DGKI: variants seen among roughly 807,000 people sequenced by gnomAD.
DGKI encodes the protein diacylglycerol kinase iota, also known as DAG kinase iota.
Under a neutral mutation model 147.5 loss-of-function variants are expected in DGKI, and 55 were observed. That is an observed-to-expected ratio of 0.37 (90% CI 0.30 to 0.47). The LOEUF (loss-of-function observed/expected upper bound fraction) is 0.47. Among genes scored for constraint, DGKI ranks in the 20% least tolerant of loss-of-function variants. The pLI, the probability that DGKI is intolerant of heterozygous loss-of-function variation, is 1.00. For synonymous variants in DGKI, 469 were observed against 477.1 expected, an observed-to-expected ratio of 0.98 and a Z score of 0.22; for missense variants, 1,007 against 1,323.8, an observed-to-expected ratio of 0.76 and a Z score of 3.71.
chr7:137,675,513 C>T (rs763758148), intron 3 of DGKI, among the ~76,000 whole-genome samples: 46 of 151,802 alleles, frequency 3.0e-4, no homozygotes, highest in Non-Finnish European at 6.6e-4. Context: ...GGTGAAACCC[C>T]GTCTCTACTA....
At chr7:137,538,378 A>G (rs1454119737) in intron 20 of DGKI, among the ~76,000 whole-genome samples, 1 of 152,162 alleles carries the variant, frequency 6.6e-6, no homozygotes, top group African/African-American at 2.4e-5. Context: ...CATTTATCAC[A>G]AGGAATTTTG....
chr7:137,480,379 A>G (rs979891309), intron 23 of DGKI, among the ~76,000 whole-genome samples: 2 of 152,220 alleles, frequency 1.3e-5, no homozygotes, highest in Non-Finnish European at 2.9e-5. Flanking sequence ...ATGGAGGAGG[A>G]AGAGATTTCA....
At chr7:137,452,309 T>A (rs1450206041) in intron 27 of DGKI, among the ~76,000 whole-genome samples, 1 of 152,128 alleles carries the variant, frequency 6.6e-6, no homozygotes, top group Non-Finnish European at 1.5e-5. Flanking sequence ...AGACTATGGA[T>A]GGAGTAGAAG....
At chr7:137,634,773 C>T (rs1183754486) in intron 6 of DGKI, among the ~76,000 whole-genome samples, 1 of 152,174 alleles carries the variant, frequency 6.6e-6, no homozygotes, top group Non-Finnish European at 1.5e-5. Context: ...CATGGATCAA[C>T]TTGGTATATA....
At chr7:137,739,224 A>C (rs968613185) in intron 1 of DGKI, among the ~76,000 whole-genome samples, 4 of 152,084 alleles carry the variant, frequency 2.6e-5, no homozygotes, top group African/African-American at 4.8e-5. Flanking sequence ...TCAGCTTGCC[A>C]AGTCAAGTGC....
At chr7:137,566,485 A>T (rs957873876) in intron 19 of DGKI, among the ~76,000 whole-genome samples, 1 of 152,218 alleles carries the variant, frequency 6.6e-6, no homozygotes, top group Non-Finnish European at 1.5e-5. Context: ...TCAAAACCAT[A>T]CAGTTTAAAC....
chr7:137,455,765 C>T (rs1011734179), intron 27 of DGKI, among the ~76,000 whole-genome samples: 11 of 151,912 alleles, frequency 7.2e-5, no homozygotes, highest in East Asian at 3.9e-4. Flanking sequence ...CCAGAAGTAC[C>T]GCAGAGAAGT....
At chr7:137,556,321 A>C (rs957244615) in intron 19 of DGKI, among the ~76,000 whole-genome samples, 3 of 152,116 alleles carry the variant, frequency 2.0e-5, no homozygotes, top group African/African-American at 7.2e-5. Flanking sequence ...GTTATCCATC[A>C]GCAACGAAAG....
intron 1 of DGKI, among the ~76,000 whole-genome samples, chr7:137,780,372 G>A (rs1384650420): frequency 6.6e-6 from 1 of 152,166 alleles, no homozygotes; most frequent in East Asian, 1.9e-4. Context: ...TCAGATATAT[G>A]GATCTGCATC....
chr7:137,818,660 T>C (rs533137096), intron 1 of DGKI, among the ~76,000 whole-genome samples: 2 of 152,236 alleles, frequency 1.3e-5, no homozygotes, highest in South Asian at 4.1e-4. Context: ...TCAGCTGGTC[T>C]TGAACTCCAG....
chr7:137,616,373 T>C (rs894835003), intron 8 of DGKI, among the ~76,000 whole-genome samples: 1 of 152,208 alleles, frequency 6.6e-6, no homozygotes, highest in African/African-American at 2.4e-5. Context: ...ATTACTACAT[T>C]GTCCTGAATC....
chr7:137,443,019 G>A (rs1480297503), intron 28 of DGKI, among the ~76,000 whole-genome samples: 1 of 152,150 alleles, frequency 6.6e-6, no homozygotes, highest in Non-Finnish European at 1.5e-5. Flanking sequence ...AGAACAGTAT[G>A]GAGAAAAGCA....
In DGKI at chr7:137,469,540, C is replaced by T. The variant is rs1467112955; in HGVS notation, c.2443+10G>A. ...ACTCCCACGATACCCGCAAGAAAGGCAGAACTCACCATCTAGGAAGCACCA... is the reference window on the plus strand; with the variant it reads ...ACTCCCACGATACCCGCAAGAAAGGTAGAACTCACCATCTAGGAAGCACCA... On this transcript the variant is annotated intron_variant, in intron 24 of 32. Coordinates refer to ENST00000614521, the MANE Select transcript of DGKI (RefSeq NM_001321708.2). 2 of 1,613,770 alleles carry T rather than the reference C, an allele frequency of 1.2e-6. No homozygotes were observed. Among genetic ancestry groups the T allele is most frequent in the East Asian group, 2.2e-5 (1 of 44,876 alleles).
intron 20 of DGKI, among the ~76,000 whole-genome samples, chr7:137,532,171 T>A (rs889821265): frequency 1.1e-4 from 16 of 152,132 alleles, no homozygotes; most frequent in African/African-American, 3.6e-4. Context: ...CCCAATTATG[T>A]ATAGAAAGAA....
At chr7:137,476,577 G>A (rs1030984083) in intron 23 of DGKI, among the ~76,000 whole-genome samples, 2 of 152,318 alleles carry the variant, frequency 1.3e-5, no homozygotes, top group Non-Finnish European at 2.9e-5. Flanking sequence ...CACTGCCATA[G>A]AGATAATTTA....
intron 1 of DGKI, among the ~76,000 whole-genome samples, chr7:137,837,959 T>C (rs945371787): frequency 1.3e-5 from 2 of 151,728 alleles, no homozygotes; most frequent in African/African-American, 4.8e-5. Context: ...CACACCTTAG[T>C]CTTTGCATTG....
At chr7:137,407,754 A>C (rs1812010690) in intron 30 of DGKI, 121 bp downstream of exon 30, 11 of 1,336,546 alleles carry the variant, frequency 8.2e-6, no homozygotes, top group African/African-American at 2.9e-5. Flanking sequence ...GAGTCTGCTA[A>C]AAGTTCGAGA....
intron 20 of DGKI, among the ~76,000 whole-genome samples, chr7:137,525,823 T>A (rs1487806944): frequency 6.6e-6 from 1 of 152,156 alleles, no homozygotes; most frequent in Non-Finnish European, 1.5e-5. Flanking sequence ...CTGCCAGATA[T>A]TGGAAAATGT....
intron 27 of DGKI, among the ~76,000 whole-genome samples, chr7:137,451,014 AC>A (rs1278439254): frequency 6.6e-6 from 1 of 152,192 alleles, no homozygotes; most frequent in Admixed American, 6.5e-5. Context: ...ATGTAATTTA[AC>A]TGGTAAAAAT....
Sources: allele counts gnomAD v4.1 joint callset (sites outside exome capture counted in the v4.1 genomes callset), GRCh38; gene constraint gnomAD v4.1.1; transcripts MANE v1.5; gene names NCBI Gene and HGNC (gene_info 2026-07-23, HGNC 2026-07-21).